MLLT10: variants seen among roughly 807,000 people sequenced by gnomAD.
The protein encoded by MLLT10 is protein AF-10.
A neutral mutation model predicts 129.1 loss-of-function variants in MLLT10; 30 were observed. The ratio of observed to expected loss-of-function variants is 0.23; its 90% confidence interval spans 0.17 to 0.32. The LOEUF is 0.32. MLLT10 is among the 10% of genes least tolerant of loss of function. The probability of loss-of-function intolerance (pLI) is 1.00; values close to 1 mark genes in which losing one functional copy is unlikely to be tolerated. For missense variants in MLLT10, 1,119 were observed against 1,268.3 expected (o/e 0.88, Z 1.79); for synonymous variants, 490 against 446.4 (o/e 1.10, Z -1.23).
At chr10:21,605,294 G>T (rs1170567078) in intron 5 of MLLT10, among the ~76,000 whole-genome samples, 2 of 152,078 alleles carry the variant, frequency 1.3e-5, no homozygotes, top group Non-Finnish European at 2.9e-5. Flanking sequence ...CCGCTGCCCA[G>T]CATCACAAGA....
Position 21,732,930 on chromosome 10 carries a change from T to G in MLLT10, c.2250T>G (p.Leu750=), listed in dbSNP as rs766183135. 3 of 1,613,904 alleles carry G rather than the reference T, an allele frequency of 1.9e-6. No homozygotes were observed. Among genetic ancestry groups the G allele is most frequent in the Non-Finnish European group, 2.5e-6 (3 of 1,179,926 alleles). The change falls in exon 18 of 23, where the codon CTT becomes CTG. Residue 750 remains leucine, a synonymous_variant. Transcript: ENST00000307729. ...GAATGCTGAAGTCATTACACCAACT[T>G]CAAGTTGAAAACCGAAGATTAGAGG... ...ILGMLKSLHQ[L]QVENRRLEEQ...
intron 9 of MLLT10, among the ~76,000 whole-genome samples, chr10:21,660,345 G>A (rs555169216): frequency 7.9e-5 from 12 of 151,190 alleles, no homozygotes; most frequent in Admixed American, 2.6e-4. Flanking sequence ...GGCCAGGCAC[G>A]GTGGCTCACG....
chr10:21,728,765 T>C (rs1192287625), intron 16 of MLLT10, among the ~76,000 whole-genome samples: 2 of 152,050 alleles, frequency 1.3e-5, no homozygotes, highest in African/African-American at 4.8e-5. Context: ...TGGTGGCTCA[T>C]GTCTATAATC....
chr10:21,568,862 C>G (rs2039889040), intron 3 of MLLT10, among the ~76,000 whole-genome samples: 1 of 152,136 alleles, frequency 6.6e-6, no homozygotes, highest in South Asian at 2.1e-4. Context: ...TCTTGAACTC[C>G]TGACCTTGTG....
chr10:21,702,078 C>T (rs928788117), intron 13 of MLLT10, among the ~76,000 whole-genome samples: 3 of 152,000 alleles, frequency 2.0e-5, no homozygotes, highest in African/African-American at 4.8e-5. Flanking sequence ...AGGCGCCCAC[C>T]ACCATGCCCA....
At chr10:21,538,634 A>G (rs999694987) in intron 2 of MLLT10, among the ~76,000 whole-genome samples, 199 bp from the exon 3 acceptor site, 2 of 152,144 alleles carry the variant, frequency 1.3e-5, no homozygotes, top group Non-Finnish European at 2.9e-5. Flanking sequence ...GGTAACACAA[A>G]AGAGTTGCAT....
chr10:21,664,598 A>G (rs1394772378), intron 9 of MLLT10, among the ~76,000 whole-genome samples: 1 of 152,006 alleles, frequency 6.6e-6, no homozygotes, highest in African/African-American at 2.4e-5. Flanking sequence ...TGTGTTTTTT[A>G]TAACAATGAA....
intron 3 of MLLT10, among the ~76,000 whole-genome samples, chr10:21,582,604 G>T (rs1415491582): frequency 6.6e-6 from 1 of 152,166 alleles, no homozygotes; most frequent in Non-Finnish European, 1.5e-5. Flanking sequence ...GCATTTAGGA[G>T]GTGACTGAAG....
chr10:21,553,222 A>G (rs887564047), intron 3 of MLLT10, among the ~76,000 whole-genome samples: 4 of 152,156 alleles, frequency 2.6e-5, no homozygotes, highest in Non-Finnish European at 5.9e-5. Flanking sequence ...GACAGAATAC[A>G]TAGAATTCTT....
chr10:21,563,574 G>C (rs2039135009), intron 3 of MLLT10, among the ~76,000 whole-genome samples: 1 of 151,852 alleles, frequency 6.6e-6, no homozygotes, highest in African/African-American at 2.4e-5. Context: ...TTTTACACTT[G>C]GTTTAATTCC....
chr10:21,646,479 CT>C (rs78709453), intron 8 of MLLT10, among the ~76,000 whole-genome samples: 61 of 144,102 alleles, frequency 4.2e-4, no homozygotes, highest in Middle Eastern at 3.5e-3. Flanking sequence ...ATTTTGAAAA[CT>C]TTTTTTTTTT....
chr10:21,539,963 A>C (rs943584496), intron 3 of MLLT10, among the ~76,000 whole-genome samples: 1 of 151,472 alleles, frequency 6.6e-6, no homozygotes, highest in Non-Finnish European at 1.5e-5. Context: ...AAAAAAACAA[A>C]AAGGAGGTAG....
chr10:21,534,576 G>T (rs2033456690), intron 1 of MLLT10, 56 bp downstream of exon 1: 1 of 1,509,324 alleles, frequency 6.6e-7, no homozygotes, highest in African/African-American at 1.4e-5. Flanking sequence ...GGGCTCGGGG[G>T]GCTGTGTGGG....
chr10:21,704,118 T>C (rs976653833), intron 13 of MLLT10, among the ~76,000 whole-genome samples: 1 of 146,576 alleles, frequency 6.8e-6, no homozygotes, highest in Non-Finnish European at 1.5e-5. Flanking sequence ...CAAGTGATTC[T>C]CCTGCTTCAG....
Position 21,648,225 on chromosome 10 carries a change from T to C in MLLT10, c.700-3448T>C, listed in dbSNP as rs376701476. 2.6e-5 allele frequency among the ~76,000 whole-genome samples: 4 copies of C among 152,362 alleles called. No individual in the cohort carries two copies. In the East Asian group the frequency reaches 7.7e-4, roughly 29 times the overall value. ...AGTCATTAGACTTCTTTGATTCACATTTGATAGGCTGTTCATATGGATATA... is the reference window on the plus strand; with the variant it reads ...AGTCATTAGACTTCTTTGATTCACACTTGATAGGCTGTTCATATGGATATA... On this transcript the variant is annotated intron_variant, in intron 8 of 22. Transcript: ENST00000307729.
chr10:21,562,805 C>CTTT (rs1564415882), intron 3 of MLLT10, among the ~76,000 whole-genome samples: 2 of 112,316 alleles, frequency 1.8e-5, no homozygotes, highest in African/African-American at 7.6e-5. Flanking sequence ...CTTACATATA[C>CTTT]TTTGTTTTTT....
At chr10:21,596,842 C>G (rs1310583701) in intron 5 of MLLT10, among the ~76,000 whole-genome samples, 4 of 151,744 alleles carry the variant, frequency 2.6e-5, no homozygotes, top group African/African-American at 9.7e-5. Context: ...TGTTTTTTCC[C>G]ATAATTTAAC....
chr10:21,607,891 C>T (rs11012753), intron 5 of MLLT10, among the ~76,000 whole-genome samples: 32,467 of 151,698 alleles, frequency 0.21, 4,352 homozygotes, highest in Middle Eastern at 0.43. Flanking sequence ...TTTAGTATTT[C>T]TTTTTTGTCA....
At chr10:21,661,531 T>C (rs1472541559) in intron 9 of MLLT10, 1 of 152,212 alleles carries the variant, frequency 6.6e-6, no homozygotes, top group Admixed American at 6.5e-5. Context: ...TCCTGATAAC[T>C]TTCTTTGCTC....
Sources: gnomAD v4.1 joint callset for allele counts (sites outside exome capture counted in the v4.1 genomes callset) on GRCh38, gnomAD v4.1.1 for gene constraint, MANE v1.5 for transcripts, NCBI Gene and HGNC (gene_info 2026-07-23, HGNC 2026-07-21) for gene names.